MAGI2: variants seen among roughly 807,000 people sequenced by gnomAD.
MAGI2 encodes membrane-associated guanylate kinase, WW and PDZ domain-containing protein 2.
In MAGI2, 35 loss-of-function variants were observed where a neutral mutation model predicts 133.3. The ratio of observed to expected loss-of-function variants is 0.26; its 90% CI spans 0.20 to 0.35. The LOEUF (loss-of-function observed/expected upper bound fraction) is 0.35, where lower values mean the gene tolerates loss of function less well. Among genes scored for constraint, MAGI2 ranks in the 10% least tolerant of loss-of-function variants. The pLI, the probability that MAGI2 is intolerant of heterozygous loss-of-function variation, is 1.00. For missense variants in MAGI2, 1,636 were observed against 1,863.4 expected (o/e 0.88, Z 2.25); for synonymous variants, 729 against 710.6 (o/e 1.03, Z -0.41).
intron 1 of MAGI2, among the ~76,000 whole-genome samples, chr7:79,016,005 G>C (rs1476107): frequency 3.3e-4 from 38 of 116,672 alleles, no homozygotes; most frequent in East Asian, 1.8e-3. Context: ...AAGCGGGGGG[G>C]GGGGGTGGGG....
At chr7:79,046,844 G>T (rs1812222518) in intron 1 of MAGI2, among the ~76,000 whole-genome samples, 1 of 152,172 alleles carries the variant, frequency 6.6e-6, no homozygotes, top group Non-Finnish European at 1.5e-5. Flanking sequence ...ATACTCTGAA[G>T]AAGAAATGTG....
chr7:79,145,486 T>C (rs1822531793), intron 1 of MAGI2, among the ~76,000 whole-genome samples: 1 of 152,114 alleles, frequency 6.6e-6, no homozygotes, highest in South Asian at 2.1e-4. Context: ...AAAATGTGTT[T>C]TTGAGCAAGC....
At chr7:78,312,116 A>G (rs1286324502) in intron 9 of MAGI2, among the ~76,000 whole-genome samples, 2 of 152,274 alleles carry the variant, frequency 1.3e-5, no homozygotes, top group East Asian at 3.9e-4. Context: ...ATTAATCTAA[A>G]TACGATTTTA....
intron 2 of MAGI2, among the ~76,000 whole-genome samples, chr7:78,730,831 T>G (rs1263026463): frequency 6.6e-6 from 1 of 152,168 alleles, no homozygotes; most frequent in East Asian, 1.9e-4. Flanking sequence ...AACAAGATTT[T>G]AAGTTTGCCA....
At chr7:78,571,638 T>C (rs577585679) in intron 3 of MAGI2, among the ~76,000 whole-genome samples, 1 of 152,050 alleles carries the variant, frequency 6.6e-6, no homozygotes, top group Non-Finnish European at 1.5e-5. Flanking sequence ...ACAGATTTTA[T>C]GGAAAATTAA....
At chr7:78,508,160 T>C (rs894160540) in intron 4 of MAGI2, among the ~76,000 whole-genome samples, 2 of 152,158 alleles carry the variant, frequency 1.3e-5, no homozygotes, top group Admixed American at 1.3e-4. Flanking sequence ...ATGAAGGGTC[T>C]ACCCCTACTC....
At chr7:78,900,861 G>A (rs936600275) in intron 2 of MAGI2, among the ~76,000 whole-genome samples, 5 of 152,150 alleles carry the variant, frequency 3.3e-5, no homozygotes, top group African/African-American at 1.2e-4. Flanking sequence ...AATACTTGTT[G>A]TGTAGATAAA....
chr7:78,432,164 T>TA (rs1799854184), intron 6 of MAGI2, among the ~76,000 whole-genome samples: 1 of 151,066 alleles, frequency 6.6e-6, no homozygotes, highest in Admixed American at 6.6e-5. Context: ...TGAGCCTAGC[T>TA]AAACATTCTG....
chr7:79,000,490 T>C (rs1412541432), intron 2 of MAGI2, among the ~76,000 whole-genome samples: 1 of 152,202 alleles, frequency 6.6e-6, no homozygotes, highest in Non-Finnish European at 1.5e-5. Context: ...AGCTCTGCTC[T>C]AATTTTAGAC....
chr7:79,401,118 A>T (rs1845441731), intron 1 of MAGI2, among the ~76,000 whole-genome samples: 1 of 152,198 alleles, frequency 6.6e-6, no homozygotes, highest in Non-Finnish European at 1.5e-5. Flanking sequence ...TTATGCCATA[A>T]CAAATACAAA....
chr7:78,281,137 T>G (rs1182814949), intron 9 of MAGI2, among the ~76,000 whole-genome samples: 1 of 152,134 alleles, frequency 6.6e-6, no homozygotes, highest in African/African-American at 2.4e-5. Context: ...TAGTCTGAGA[T>G]CCTTTTGAAT....
intron 21 of MAGI2, among the ~76,000 whole-genome samples, chr7:78,038,644 G>T (rs1810490870): frequency 1.3e-5 from 2 of 152,174 alleles, no homozygotes; most frequent in African/African-American, 2.4e-5. Context: ...TCACATGCGG[G>T]TTGAAGTTCA....
At chr7:78,167,351 C>T (rs191124117) in intron 15 of MAGI2, among the ~76,000 whole-genome samples, 85 of 152,270 alleles carry the variant, frequency 5.6e-4, no homozygotes, top group Admixed American at 2.3e-3. Context: ...CTTTATGAAG[C>T]TGAGAAAATG....
intron 1 of MAGI2, among the ~76,000 whole-genome samples, chr7:79,034,492 T>C (rs980517100): frequency 5.3e-5 from 8 of 152,340 alleles, no homozygotes; most frequent in Middle Eastern, 3.4e-3. Context: ...TTGCCACTGC[T>C]CCTATTTTGA....
chr7:78,208,861 C>A (rs1215389412), intron 10 of MAGI2, among the ~76,000 whole-genome samples: 3 of 152,026 alleles, frequency 2.0e-5, no homozygotes, highest in Non-Finnish European at 4.4e-5. Flanking sequence ...TATCTTTCCT[C>A]CCAAATCCAC....
At chr7:78,841,888 A>G (rs554873346) in intron 2 of MAGI2, among the ~76,000 whole-genome samples, 91 of 151,948 alleles carry the variant, frequency 6.0e-4, no homozygotes, top group Non-Finnish European at 1.1e-3. Flanking sequence ...AGGAGCTTCT[A>G]CTGTATTTCC....
intron 2 of MAGI2, among the ~76,000 whole-genome samples, chr7:78,727,902 G>A (rs1174256281): frequency 6.6e-6 from 1 of 152,142 alleles, no homozygotes; most frequent in African/African-American, 2.4e-5. Flanking sequence ...CACACAAAGA[G>A]CATATTGTCT....
At chr7:78,345,498 C>G in intron 8 of MAGI2, 1 of 161,298 alleles carries the variant, frequency 6.2e-6, no homozygotes. Flanking sequence ...AAGTCATTCA[C>G]GCTGCGCGAC....
intron 3 of MAGI2, among the ~76,000 whole-genome samples, chr7:78,558,837 G>T (rs967419726): frequency 1.1e-4 from 14 of 130,016 alleles, no homozygotes; most frequent in East Asian, 2.3e-4. Context: ...TTGAGACACC[G>T]TTTTTTTTTT....
Sources: allele counts gnomAD v4.1 joint callset (sites outside exome capture counted in the v4.1 genomes callset), GRCh38; gene constraint gnomAD v4.1.1; transcripts MANE v1.5; gene names NCBI Gene and HGNC (gene_info 2026-07-23, HGNC 2026-07-21).